The following CLDN14 variants were observed in gnomAD, a reference collection of about 807,000 sequenced individuals.
CLDN14 encodes claudin 14.
Under a neutral mutation model 2.1 loss-of-function variants are expected in CLDN14, and 2 were observed. The observed-to-expected ratio is 0.96, with a 90% confidence interval of 0.39 to 3.01. The LOEUF is 3.01. Among genes scored for constraint, CLDN14 ranks in the 30% most tolerant of loss-of-function variants. The probability of loss-of-function intolerance (pLI) is 0.09; values close to 1 mark genes in which losing one functional copy is unlikely to be tolerated. For missense variants in CLDN14, 298 were observed against 328.0 expected, an observed-to-expected ratio of 0.91 and a Z score of 0.71; for synonymous variants, 136 against 154.4, an observed-to-expected ratio of 0.88 and a Z score of 0.88.
chr21:36,560,710 G>T (rs2087628695), intron 1 of CLDN14, among the ~76,000 whole-genome samples: 1 of 152,128 alleles, frequency 6.6e-6, no homozygotes, highest in Non-Finnish European at 1.5e-5. Context: ...CTAATAGTGG[G>T]CATAGAAAAT....
intron 2 of CLDN14, among the ~76,000 whole-genome samples, chr21:36,485,461 A>G (rs1374617771): frequency 6.6e-6 from 1 of 152,324 alleles, no homozygotes; most frequent in African/African-American, 2.4e-5. Flanking sequence ...CACCCGCCTC[A>G]GCATCCCAAA....
At chr21:36,485,947 C>T (rs769174939) in intron 2 of CLDN14, 11 of 1,261,620 alleles carry the variant, frequency 8.7e-6, no homozygotes, top group Middle Eastern at 1.9e-4. Context: ...CCCATGCAGT[C>T]CCCTGAGCAG....
chr21:36,469,741 C>T (rs376848703), intron 1 of CLDN14, among the ~76,000 whole-genome samples: 1 of 152,126 alleles, frequency 6.6e-6, no homozygotes, highest in Admixed American at 6.5e-5. Context: ...AAACTTAAGT[C>T]ACCATGACCA....
At chr21:36,466,940 G>A (rs1601592876) in intron 1 of CLDN14, among the ~76,000 whole-genome samples, 1 of 152,186 alleles carries the variant, frequency 6.6e-6, no homozygotes, top group South Asian at 2.1e-4. Flanking sequence ...CAGGCCCCAT[G>A]CAAGTTCGAA....
intron 2 of CLDN14, among the ~76,000 whole-genome samples, chr21:36,502,094 G>A (rs1162503207): frequency 3.3e-5 from 5 of 152,114 alleles, no homozygotes; most frequent in Non-Finnish European, 7.4e-5. Flanking sequence ...ACACCACAAT[G>A]AGCCAAAAGC....
Position 36,546,297 on chromosome 21 carries a change from G to T in CLDN14, c.-220+30114C>A, listed in dbSNP as rs143817625. Among the ~76,000 whole-genome samples, 428 of 152,196 alleles carry T rather than the reference G, an allele frequency of 2.8e-3. 5 individuals are homozygous for T. Among genetic ancestry groups the T allele is most frequent in the African/African-American group, 9.9e-3 (411 of 41,518 alleles). On this transcript the variant is annotated intron_variant, in intron 1 of 2. Transcript: ENST00000342108. The stretch of plus-strand genomic sequence containing the variant: ...CCTGATTCAGCATTTCCAGGAACAC[G>T]CTGGAAAGCTGTCAGTGTCAAAGCG...
intron 1 of CLDN14, among the ~76,000 whole-genome samples, chr21:36,534,701 T>G (rs1420037099): frequency 6.6e-6 from 1 of 152,160 alleles, no homozygotes; most frequent in Non-Finnish European, 1.5e-5. Context: ...TCTAAATTAT[T>G]TGTCACTGAT....
At chr21:36,536,567 G>T (rs543950395) in intron 1 of CLDN14, among the ~76,000 whole-genome samples, 18 of 150,258 alleles carry the variant, frequency 1.2e-4, no homozygotes, top group Admixed American at 1.2e-3. Flanking sequence ...TGCAAGTAAA[G>T]ATCATGTTTC....
intron 1 of CLDN14, among the ~76,000 whole-genome samples, chr21:36,469,884 G>A (rs1034474265): frequency 2.0e-5 from 3 of 152,066 alleles, no homozygotes; most frequent in Non-Finnish European, 4.4e-5. Context: ...ATACATGAGT[G>A]CCTTTTCAGA....
upstream of CLDN14, among the ~76,000 whole-genome samples, chr21:36,484,241 C>T (rs2086873600): frequency 6.6e-6 from 1 of 152,210 alleles, no homozygotes; most frequent in Non-Finnish European, 1.5e-5. Context: ...CATGCATGTC[C>T]ATTAGATTCT....
intron 1 of CLDN14, among the ~76,000 whole-genome samples, chr21:36,513,858 G>T (rs1310770933): frequency 6.7e-6 from 1 of 149,096 alleles, no homozygotes; most frequent in African/African-American, 2.6e-5. Context: ...TTGAAACAGG[G>T]TCTAACTTTT....
At chr21:36,495,195 G>T (rs1366197591) in intron 2 of CLDN14, among the ~76,000 whole-genome samples, 1 of 152,168 alleles carries the variant, frequency 6.6e-6, no homozygotes, top group Non-Finnish European at 1.5e-5. Context: ...TGGACATGGT[G>T]GTGGACACCT....
intron 1 of CLDN14, among the ~76,000 whole-genome samples, chr21:36,547,211 C>T (rs183643598): frequency 2.8e-4 from 43 of 152,216 alleles, no homozygotes; most frequent in African/African-American, 9.4e-4. Context: ...ATGGTATACA[C>T]GCTGGAATAT....
intron 2 of CLDN14, among the ~76,000 whole-genome samples, chr21:36,490,982 A>ACACACACC (rs1175548484): frequency 2.0e-5 from 3 of 149,870 alleles, no homozygotes; most frequent in East Asian, 1.9e-4. Flanking sequence ...ACACACACAC[A>ACACACACC]CACACACCCC....
intron 1 of CLDN14, among the ~76,000 whole-genome samples, chr21:36,542,242 C>T (rs1476079697): frequency 6.6e-6 from 1 of 152,178 alleles, no homozygotes; most frequent in African/African-American, 2.4e-5. Flanking sequence ...GGATTACAGG[C>T]GTGAGCCACC....
intron 1 of CLDN14, among the ~76,000 whole-genome samples, chr21:36,532,651 A>T (rs1242578874): frequency 6.6e-6 from 1 of 152,158 alleles, no homozygotes; most frequent in Non-Finnish European, 1.5e-5. Flanking sequence ...TGAGGTTCTA[A>T]TTTAAGCCTT....
At chr21:36,516,467 C>G (rs2087229867) in intron 1 of CLDN14, among the ~76,000 whole-genome samples, 1 of 152,220 alleles carries the variant, frequency 6.6e-6, no homozygotes, top group Admixed American at 6.5e-5. Context: ...TCTCAAGCAT[C>G]TGGATCAGTT....
At chr21:36,509,785 G>A (rs2087168899) in intron 2 of CLDN14, among the ~76,000 whole-genome samples, 1 of 152,018 alleles carries the variant, frequency 6.6e-6, no homozygotes, top group Admixed American at 6.6e-5. Context: ...TAGTAGAGAT[G>A]GGGTTTCACT....
At chr21:36,500,019 A>G (rs908776233) in intron 2 of CLDN14, among the ~76,000 whole-genome samples, 71 of 151,930 alleles carry the variant, frequency 4.7e-4, no homozygotes, top group African/African-American at 1.6e-3. Context: ...CATGTTGTTC[A>G]TTTATAATGT....
Sources: gnomAD v4.1 joint callset for allele counts (sites outside exome capture counted in the v4.1 genomes callset) on GRCh38, gnomAD v4.1.1 for gene constraint, MANE v1.5 for transcripts, NCBI Gene and HGNC (gene_info 2026-07-23, HGNC 2026-07-21) for gene names.